Variants in TSPEAR observed in about 807,000 individuals in gnomAD.
TSPEAR encodes thrombospondin type laminin G domain and EAR repeats.
A neutral mutation model predicts 71.6 loss-of-function variants in TSPEAR; 69 were observed. That is an observed-to-expected ratio of 0.96 (90% CI 0.79 to 1.18). The LOEUF is 1.18. TSPEAR is among the 50% of genes most tolerant of loss of function. TSPEAR has a pLI of 0.00. For missense variants in TSPEAR, 971 were observed against 894.9 expected (o/e 1.09, Z -1.09); for synonymous variants, 402 against 387.2 (o/e 1.04, Z -0.45).
chr21:44,519,407 C>T (rs587639987), intron 9 of TSPEAR: 1 of 151,950 alleles, frequency 6.6e-6, no homozygotes, highest in South Asian at 2.1e-4. Flanking sequence ...CCATATCACG[C>T]TCTTGGCCCC....
chr21:44,575,084 C>A (rs879962741), intron 1 of TSPEAR: 2 of 1,421,776 alleles, frequency 1.4e-6, no homozygotes, highest in Non-Finnish European at 1.9e-6. Flanking sequence ...CTGATAGTCG[C>A]GTCCTGAATT....
intron 1 of TSPEAR, among the ~76,000 whole-genome samples, chr21:44,585,245 C>T (rs947273269): frequency 2.0e-5 from 3 of 152,174 alleles, no homozygotes; most frequent in Admixed American, 6.5e-5. Context: ...TTCTTCCCTC[C>T]ACCTTAGTAG....
intron 2 of TSPEAR, among the ~76,000 whole-genome samples, chr21:44,536,463 G>C (rs1161717004): frequency 6.6e-6 from 1 of 152,116 alleles, no homozygotes; most frequent in Non-Finnish European, 1.5e-5. Flanking sequence ...CATGTCTCTA[G>C]GATCCACTCC....
chr21:44,638,229 C>G, intron 1 of TSPEAR: 1 of 1,559,940 alleles, frequency 6.4e-7, no homozygotes, highest in South Asian at 1.2e-5. Flanking sequence ...TCCCAGCTGC[C>G]CCAGCAAGCT....
Position 44,641,489 on chromosome 21 carries a change from C to A in TSPEAR, c.82+69944G>T, listed in dbSNP as rs457404. ...AGGACAGAGATAAAGCCAAGAAGAG[C>A]CTGAGATCTGAGTGGGAAGAGCCCA... On this transcript the variant is annotated intron_variant, in intron 1 of 11. Coordinates refer to ENST00000323084, the MANE Select transcript of TSPEAR (RefSeq NM_144991.3). Among the ~76,000 whole-genome samples, 5 of 152,220 alleles carry A rather than the reference C, an allele frequency of 3.3e-5. No individual in the cohort carries two copies. The East Asian group carries it at 9.7e-4, about 29-fold the overall frequency.
chr21:44,680,694 A>G (rs1555947781), intron 1 of TSPEAR, among the ~76,000 whole-genome samples: 3 of 152,234 alleles, frequency 2.0e-5, no homozygotes, highest in African/African-American at 7.2e-5. Flanking sequence ...TTTACAATGG[A>G]ATCTTATTCG....
At chr21:44,659,711 G>C (rs1985385414) in intron 1 of TSPEAR, among the ~76,000 whole-genome samples, 1 of 152,184 alleles carries the variant, frequency 6.6e-6, no homozygotes, top group Non-Finnish European at 1.5e-5. Flanking sequence ...GTTTGAGCCT[G>C]GTGGTTCGAG....
At chr21:44,557,806 CTTTA>C (rs1326072142) in intron 2 of TSPEAR, 3 of 566,410 alleles carry the variant, frequency 5.3e-6, no homozygotes, top group Middle Eastern at 4.6e-4. Flanking sequence ...ACATTGGTGA[CTTTA>C]TTTGTTGACA....
intron 2 of TSPEAR, chr21:44,550,548 G>A (rs2053394641): frequency 8.0e-7 from 1 of 1,256,404 alleles, no homozygotes; most frequent in Non-Finnish European, 1.1e-6. Context: ...GAGCCAGTGA[G>A]CATCTGAGAC....
intron 2 of TSPEAR, among the ~76,000 whole-genome samples, chr21:44,537,038 T>C (rs1321648748): frequency 6.6e-6 from 1 of 152,234 alleles, no homozygotes; most frequent in Non-Finnish European, 1.5e-5. Context: ...GATGGAATTC[T>C]AAATGGAACT....
chr21:44,555,223 T>C (rs868956587), intron 2 of TSPEAR, among the ~76,000 whole-genome samples: 7 of 152,350 alleles, frequency 4.6e-5, no homozygotes, highest in Middle Eastern at 3.4e-3. Context: ...TGATGTTTCC[T>C]ATTAGATGAG....
rs2052903304 is a variant in TSPEAR, at chr21:44,528,569, C to T, written c.805G>A (p.Val269Met). Residue 269 changes from valine to methionine, a missense_variant, in exon 6 of 12, where the codon GTG becomes ATG. By Grantham distance (21) the Val-to-Met change is conservative. Coordinates refer to ENST00000323084, the MANE Select transcript of TSPEAR (RefSeq NM_144991.3). The part of the protein sequence containing the change: ...LKYPYETNIR[V>M]TLGPQPPCTE... The stretch of plus-strand genomic sequence containing the variant: ...CACGGTGGCTGGGGTCCCAGCGTCA[C>T]TCGAATGTTGGTTTCTGAGGGGAAG... 1.2e-6 allele frequency: 2 copies of T among 1,613,862 alleles called. No individual in the cohort carries two copies. Among genetic ancestry groups the T allele is most frequent in the South Asian group, 1.1e-5 (1 of 91,070 alleles).
At position 44,697,536 on chromosome 21, in the gene TSPEAR, C is replaced by T. The variant is rs1336471288; in HGVS notation, c.82+13897G>A. On this transcript the variant is annotated intron_variant, in intron 1 of 11. Transcript: ENST00000323084. The stretch of plus-strand genomic sequence containing the variant: ...TGCTGCGTGCCCGTCTGCTGCAAGA[C>T]TGTCTGCTGCAAGCCTGTGTGCTGT... The T allele has an allele frequency of 3.1e-6, 5 of 1,613,644 alleles. No homozygotes were observed. In the African/African-American group the frequency reaches 6.7e-5, roughly 22 times the overall value.
chr21:44,512,827 G>A (rs782045557), intron 9 of TSPEAR, among the ~76,000 whole-genome samples: 11 of 152,170 alleles, frequency 7.2e-5, no homozygotes, highest in East Asian at 1.9e-4. Context: ...GGCAGTGGCC[G>A]GAGTGAATGC....
At chr21:44,630,871 A>G (rs1323531876) in intron 1 of TSPEAR, among the ~76,000 whole-genome samples, 1 of 152,220 alleles carries the variant, frequency 6.6e-6, no homozygotes, top group Non-Finnish European at 1.5e-5. Flanking sequence ...CATGACAAAG[A>G]GTATAGTCAT....
intron 1 of TSPEAR, among the ~76,000 whole-genome samples, chr21:44,613,632 G>A (rs1555931771): frequency 6.6e-6 from 1 of 152,182 alleles, no homozygotes; most frequent in Non-Finnish European, 1.5e-5. Flanking sequence ...GGGAGAGGGA[G>A]GGGCTGCTGC....
At chr21:44,581,484 G>A (rs17004674) in intron 1 of TSPEAR, among the ~76,000 whole-genome samples, 2,683 of 152,214 alleles carry the variant, frequency 0.018, 71 homozygotes, top group African/African-American at 0.058. Context: ...AGTGTCCAGC[G>A]TTGCTGATGA....
intron 7 of TSPEAR, among the ~76,000 whole-genome samples, chr21:44,526,189 C>T (rs2052851230): frequency 6.6e-6 from 1 of 152,200 alleles, no homozygotes; most frequent in South Asian, 2.1e-4. Context: ...CGCATCACAA[C>T]CTGCTCTCCT....
At position 44,499,461 on chromosome 21, in the gene TSPEAR, T is replaced by G; in HGVS notation, c.*322A>C. 4 of 292,446 alleles carry G rather than the reference T, an allele frequency of 1.4e-5. No individual in the cohort carries two copies. Among genetic ancestry groups the G allele is most frequent in the East Asian group, 8.3e-5 (1 of 12,038 alleles). The allele number at this position is 292,446 out of a possible 1,614,324, so 18.1% of individuals were successfully genotyped here. A position where few individuals can be genotyped will look rare whatever the true frequency, so the allele number is the denominator to read the frequency against. On this transcript the variant is annotated 3_prime_UTR_variant, in exon 12 of 12. Transcript: ENST00000323084. Reference sequence around the variant, plus strand: ...CGCAGGGACATGAACCGAGGTCCTGTTGTTTGAGGTAAAAATGTATAGAAA... The same window carrying G: ...CGCAGGGACATGAACCGAGGTCCTGGTGTTTGAGGTAAAAATGTATAGAAA...
Sources: allele counts gnomAD v4.1 joint callset (sites outside exome capture counted in the v4.1 genomes callset), GRCh38; gene constraint gnomAD v4.1.1; transcripts MANE v1.5; gene names NCBI Gene and HGNC (gene_info 2026-07-23, HGNC 2026-07-21).